VIPR1: variants seen among roughly 807,000 people sequenced by gnomAD.
VIPR1 encodes vasoactive intestinal polypeptide receptor 1.
Under a neutral mutation model 58.8 loss-of-function variants are expected in VIPR1, and 59 were observed. The observed-to-expected ratio is 1.00, with a 90% CI of 0.81 to 1.25. The LOEUF is 1.25. Ranked by LOEUF, VIPR1 falls within the 50% of genes most tolerant of loss-of-function variation. The pLI is 0.00. For synonymous variants in VIPR1, 251 were observed against 242.1 expected (o/e 1.04, Z -0.34); for missense variants, 626 against 602.7 (o/e 1.04, Z -0.40).
At position 42,536,522 on chromosome 3, in the gene VIPR1, C is replaced by T. The variant is rs1701859720; in HGVS notation, c.*241C>T. 1.1e-5 allele frequency: 5 copies of T among 442,320 alleles called. No homozygotes were observed. The South Asian group carries it at 2.6e-4, about 23-fold the overall frequency. The allele number at this position is 442,320 out of a possible 1,614,324, so 27.4% of individuals were successfully genotyped here. A position where few individuals can be genotyped will look rare whatever the true frequency, so the allele number is the denominator to read the frequency against. On this transcript the variant is annotated 3_prime_UTR_variant, in exon 13 of 13. Coordinates refer to ENST00000325123, the MANE Select transcript of VIPR1 (RefSeq NM_004624.4). ...CTCTCCTGGAGGATTGCAGGTGGAACTCAGTCATTAGACTCCTCCTCCAAA... is the reference window on the plus strand; with the variant it reads ...CTCTCCTGGAGGATTGCAGGTGGAATTCAGTCATTAGACTCCTCCTCCAAA...
chr3:42,525,102 C>G (rs1485807374), intron 3 of VIPR1, among the ~76,000 whole-genome samples: 1 of 151,950 alleles, frequency 6.6e-6, no homozygotes, highest in Admixed American at 6.6e-5. Context: ...TTCTCTGGCT[C>G]ATCTAATTTC....
chr3:42,504,902 C>CAAAA (rs56310463), intron 1 of VIPR1, among the ~76,000 whole-genome samples: 21 of 52,958 alleles, frequency 4.0e-4, no homozygotes, highest in African/African-American at 1.2e-3. Flanking sequence ...AAAAGGGAGG[C>CAAAA]AAAAAAAAAA....
chr3:42,502,886 C>A, intron 1 of VIPR1, 73 bp downstream of exon 1: 1 of 1,061,536 alleles, frequency 9.4e-7, no homozygotes. Context: ...TGGGGGATGG[C>A]GGGAGCCGGG....
At chr3:42,527,562 C>A in intron 5 of VIPR1, 66 bp downstream of exon 5, 3 of 1,513,772 alleles carry the variant, frequency 2.0e-6, no homozygotes, top group Admixed American at 1.7e-5. Flanking sequence ...ACAGTGGAGC[C>A]CAGCGTGGCC....
intron 6 of VIPR1, 85 bp from the exon 7 acceptor site, chr3:42,530,692 CTG>C: frequency 6.8e-7 from 1 of 1,472,312 alleles, no homozygotes; most frequent in South Asian, 1.3e-5. Flanking sequence ...TGCACTGCAA[CTG>C]TGTTTGTCCC....
rs1349400490 is a variant in VIPR1 at position 42,536,977 on chromosome 3, T to C, written c.*696T>C. 1 of 152,174 alleles carries C rather than the reference T, an allele frequency of 6.6e-6. No homozygotes were observed. The highest frequency in any genetic ancestry group is 1.5e-5 in the Non-Finnish European group (1 of 68,048). The allele number at this position is 152,174 out of a possible 1,614,324, so 9.4% of individuals were successfully genotyped here. A position where few individuals can be genotyped will look rare whatever the true frequency, so the allele number is the denominator to read the frequency against. On this transcript the variant is annotated 3_prime_UTR_variant, in exon 13 of 13. Transcript: ENST00000325123. ...AAGGACTGAGGGACTCTGAAGCCTC[T>C]GGGAAATGAGAAGGCAGCCACCAGC...
At chr3:42,521,504 A>C (rs1363082449) in intron 3 of VIPR1, 3 of 152,380 alleles carry the variant, frequency 2.0e-5, no homozygotes, top group East Asian at 3.9e-4. Context: ...GAAGTTTGCA[A>C]GTGTGAGGCA....
chr3:42,504,179 C>G (rs529831671), intron 1 of VIPR1, among the ~76,000 whole-genome samples: 1 of 152,288 alleles, frequency 6.6e-6, no homozygotes, highest in African/African-American at 2.4e-5. Flanking sequence ...CCTCCCAACC[C>G]CAGGTTCAAG....
At chr3:42,532,399 C>T in intron 10 of VIPR1, 66 bp downstream of exon 10, 3 of 1,488,578 alleles carry the variant, frequency 2.0e-6, no homozygotes, top group Admixed American at 3.4e-5. Context: ...CATCCCACAT[C>T]TCCTTGAAGT....
At chr3:42,498,472 A>G (rs900102943), upstream of VIPR1, among the ~76,000 whole-genome samples, 3 of 151,682 alleles carry the variant, frequency 2.0e-5, no homozygotes, top group African/African-American at 7.3e-5. Context: ...AAACATTCAC[A>G]CTCCTAACTC....
intron 3 of VIPR1, chr3:42,521,243 A>G (rs1198432742): frequency 1.3e-5 from 2 of 152,078 alleles, no homozygotes; most frequent in Non-Finnish European, 2.9e-5. Flanking sequence ...TGACAAGAAA[A>G]AGGCAGTCCT....
intron 7 of VIPR1, 139 bp from the exon 8 acceptor site, chr3:42,531,332 A>G: frequency 1.1e-6 from 1 of 880,228 alleles, no homozygotes; most frequent in Non-Finnish European, 1.8e-6. Flanking sequence ...CAACCTATGC[A>G]ACCAAAGACA....
intron 1 of VIPR1, among the ~76,000 whole-genome samples, chr3:42,504,926 A>AG (rs1287207720): frequency 6.9e-6 from 1 of 145,746 alleles, no homozygotes; most frequent in Non-Finnish European, 1.5e-5. Context: ...AAAAAAAAAA[A>AG]GGAAAGAAAA....
chr3:42,507,829 C>T (rs7635291), intron 1 of VIPR1: 19,820 of 151,974 alleles, frequency 0.13, 1,472 homozygotes, highest in East Asian at 0.36. Flanking sequence ...GTTCTTCTTA[C>T]CCAAAGCACA....
At chr3:42,520,791 G>A (rs1419576016) in intron 3 of VIPR1, among the ~76,000 whole-genome samples, 4 of 151,804 alleles carry the variant, frequency 2.6e-5, no homozygotes, top group Non-Finnish European at 5.9e-5. Context: ...TAGACCCCAG[G>A]GTCTCTTTGG....
intron 2 of VIPR1, among the ~76,000 whole-genome samples, chr3:42,518,791 C>G (rs560624571): frequency 1.3e-5 from 2 of 152,192 alleles, no homozygotes; most frequent in Non-Finnish European, 2.9e-5. Context: ...AGTCTAGGCT[C>G]TGGTCATTAT....
intron 6 of VIPR1, 59 bp from the exon 7 acceptor site, chr3:42,530,719 TG>T (rs1701493274): frequency 6.3e-7 from 1 of 1,577,818 alleles, no homozygotes; most frequent in South Asian, 1.1e-5. Context: ...GACACGAGTG[TG>T]GGCAGTCAAG....
At chr3:42,502,872 G>T in intron 1 of VIPR1, 59 bp downstream of exon 1, 7 of 1,121,924 alleles carry the variant, frequency 6.2e-6, no homozygotes, top group Non-Finnish European at 7.9e-6. Flanking sequence ...GAGGGCGGGG[G>T]AGGTGGGGGA....
intron 1 of VIPR1, chr3:42,509,653 G>A (rs1314983496): frequency 6.6e-6 from 1 of 152,180 alleles, no homozygotes; most frequent in Admixed American, 6.5e-5. Flanking sequence ...CACCTTCTTT[G>A]GGGCAGGAGT....
Sources: gnomAD v4.1 joint callset for allele counts (sites outside exome capture counted in the v4.1 genomes callset) on GRCh38, gnomAD v4.1.1 for gene constraint, MANE v1.5 for transcripts, NCBI Gene and HGNC (gene_info 2026-07-23, HGNC 2026-07-21) for gene names.